FBXW7: variants seen among roughly 807,000 people sequenced by gnomAD.
FBXW7 encodes F-box and WD repeat domain containing 7.
Under a neutral mutation model 86.3 loss-of-function variants are expected in FBXW7, and 11 were observed. The observed-to-expected ratio is 0.13, with a 90% CI of 0.08 to 0.21. FBXW7 has a LOEUF of 0.21. FBXW7 is among the 10% of genes least tolerant of loss of function. FBXW7 has a pLI of 1.00. For synonymous variants in FBXW7, 313 were observed against 297.9 expected (o/e 1.05, Z -0.52); for missense variants, 488 against 847.4 (o/e 0.58, Z 5.27).
At chr4:152,352,212 A>T (rs1023798304) in intron 4 of FBXW7, among the ~76,000 whole-genome samples, 1 of 152,228 alleles carries the variant, frequency 6.6e-6, no homozygotes. Context: ...TAACAGAGCC[A>T]CATTTCTAAA....
chr4:152,355,986 T>C (rs770240352), intron 4 of FBXW7, among the ~76,000 whole-genome samples: 3 of 152,084 alleles, frequency 2.0e-5, no homozygotes, highest in Non-Finnish European at 2.9e-5. Flanking sequence ...GTGAGAAAAA[T>C]ATACACAAAT....
chr4:152,337,636 T>TG, intron 7 of FBXW7, 166 bp downstream of exon 7: 1 of 603,810 alleles, frequency 1.7e-6, no homozygotes, highest in East Asian at 3.0e-5. Flanking sequence ...AATTACATTA[T>TG]TAAGTCATGG....
chr4:152,398,539 GA>G (rs917041547), intron 4 of FBXW7, among the ~76,000 whole-genome samples: 1 of 151,094 alleles, frequency 6.6e-6, no homozygotes. Context: ...AATGCTAAAT[GA>G]AAAAAAATAG....
Position 152,322,899 on chromosome 4 carries a change from A to G in FBXW7, c.2106T>C (p.Phe702=), listed in dbSNP as rs1312163939. ...CTGCTCTTCACTTCATGTCCACATC[A>G]AAGTCCAGCACCAGCAGCTTGGTTT... ...TEETKLLVLD[F]DVDMK The change falls in exon 14 of 14, where the codon TTT becomes TTC. Residue 702 remains phenylalanine (F), a synonymous_variant. Transcript: ENST00000281708. 7 of 1,613,496 alleles carry G rather than the reference A, an allele frequency of 4.3e-6. No homozygotes were observed. Among genetic ancestry groups the G allele is most frequent in the African/African-American group, 4.0e-5 (3 of 74,818 alleles).
chr4:152,425,985 C>G (rs1331688485), intron 2 of FBXW7, among the ~76,000 whole-genome samples: 2 of 152,148 alleles, frequency 1.3e-5, no homozygotes, highest in Non-Finnish European at 2.9e-5. Context: ...ATCCCCACCC[C>G]TGCCTACACC....
intron 4 of FBXW7, among the ~76,000 whole-genome samples, chr4:152,371,598 C>G (rs976425487): frequency 1.3e-5 from 2 of 151,918 alleles, no homozygotes; most frequent in East Asian, 3.9e-4. Flanking sequence ...AACTATAATA[C>G]AAATTATCAC....
intron 3 of FBXW7, 85 bp from the exon 4 acceptor site, chr4:152,411,957 A>C: frequency 8.0e-7 from 1 of 1,242,488 alleles, no homozygotes; most frequent in Non-Finnish European, 1.1e-6. Flanking sequence ...CTTTCTAAAT[A>C]TCATTAATGA....
At chr4:152,451,234 TTTC>T (rs1741882200) in intron 2 of FBXW7, among the ~76,000 whole-genome samples, 1 of 152,268 alleles carries the variant, frequency 6.6e-6, no homozygotes. Context: ...ATCTTGAGTA[TTTC>T]TTCAATTAAC....
intron 2 of FBXW7, among the ~76,000 whole-genome samples, chr4:152,506,580 T>C (rs1376019000): frequency 6.6e-6 from 1 of 152,246 alleles, no homozygotes; most frequent in Admixed American, 6.5e-5. Flanking sequence ...TATAATCTCA[T>C]GGGACACATT....
At chr4:152,480,352 A>G (rs1744766573) in intron 2 of FBXW7, among the ~76,000 whole-genome samples, 1 of 152,118 alleles carries the variant, frequency 6.6e-6, no homozygotes, top group Non-Finnish European at 1.5e-5. Context: ...TAAATGTTGC[A>G]TGTGTTCTGA....
chr4:152,325,933 A>G, intron 12 of FBXW7, 73 bp downstream of exon 12: 1 of 1,245,024 alleles, frequency 8.0e-7, no homozygotes, highest in Non-Finnish European at 1.2e-6. Flanking sequence ...CAGCAATTTG[A>G]CAGTGATTAT....
At chr4:152,356,471 G>A (rs1041463164) in intron 4 of FBXW7, among the ~76,000 whole-genome samples, 1 of 152,122 alleles carries the variant, frequency 6.6e-6, no homozygotes, top group African/African-American at 2.4e-5. Context: ...GTAGGAGAAT[G>A]TGTTTATATT....
At chr4:152,324,478 A>C in intron 12 of FBXW7, 84 bp from the exon 13 acceptor site, 1 of 1,138,438 alleles carries the variant, frequency 8.8e-7, no homozygotes, top group Non-Finnish European at 1.3e-6. Context: ...GGAAAGGGGG[A>C]AGAGGATGGG....
At chr4:152,488,427 G>A (rs963023260) in intron 2 of FBXW7, among the ~76,000 whole-genome samples, 4 of 151,970 alleles carry the variant, frequency 2.6e-5, no homozygotes, top group African/African-American at 7.2e-5. Flanking sequence ...TCTTTGGAAC[G>A]ACAATGCTAC....
In FBXW7 at chr4:152,507,789, T is replaced by C. The variant is rs576102811; in HGVS notation, c.-120+27152A>G. ...CCTTCTGACCAGGTGTGGTGGTCCA[T>C]GCCTATAATCCCAGCACTTTGGGAG... On this transcript the variant is annotated intron_variant, in intron 2 of 13. Transcript: ENST00000281708. 3.3e-5 allele frequency among the ~76,000 whole-genome samples: 5 copies of C among 152,124 alleles called. No homozygotes were observed. The East Asian group carries it at 9.7e-4, about 29-fold the overall frequency.
intron 6 of FBXW7, among the ~76,000 whole-genome samples, chr4:152,343,317 C>CG (rs890871140): frequency 1.3e-5 from 2 of 152,104 alleles, no homozygotes. Flanking sequence ...CTAGTGTTAA[C>CG]GGTCCCTTTT....
At chr4:152,427,400 C>G (rs1579170828) in intron 2 of FBXW7, among the ~76,000 whole-genome samples, 1 of 152,158 alleles carries the variant, frequency 6.6e-6, no homozygotes, top group East Asian at 1.9e-4. Flanking sequence ...TTAGTTAATA[C>G]TTACAACACC....
At chr4:152,432,778 C>T (rs1740029951) in intron 2 of FBXW7, among the ~76,000 whole-genome samples, 1 of 152,186 alleles carries the variant, frequency 6.6e-6, no homozygotes, top group Non-Finnish European at 1.5e-5. Context: ...CGACACTGCA[C>T]TCCAGCCTGG....
At chr4:152,432,941 T>C (rs1293639630) in intron 2 of FBXW7, among the ~76,000 whole-genome samples, 3 of 152,360 alleles carry the variant, frequency 2.0e-5, no homozygotes, top group Admixed American at 2.0e-4. Context: ...ATTAGTTTTG[T>C]GGATTTTGAA....
Sources: gnomAD v4.1 joint callset for allele counts (sites outside exome capture counted in the v4.1 genomes callset) on GRCh38, gnomAD v4.1.1 for gene constraint, MANE v1.5 for transcripts, NCBI Gene and HGNC (gene_info 2026-07-23, HGNC 2026-07-21) for gene names.